GRAMD1C: variants seen among roughly 807,000 people sequenced by gnomAD.
GRAMD1C encodes the protein GRAM domain containing 1C.
In GRAMD1C, 89 loss-of-function variants were observed where a neutral mutation model predicts 97.8. The ratio of observed to expected loss-of-function variants is 0.91; its 90% CI spans 0.77 to 1.09. The LOEUF is 1.09. GRAMD1C is among the 50% of genes least tolerant of loss of function. GRAMD1C has a pLI of 0.00. For synonymous variants in GRAMD1C, 256 were observed against 267.0 expected, an observed-to-expected ratio of 0.96 and a Z score of 0.40; for missense variants, 740 against 766.4, an observed-to-expected ratio of 0.97 and a Z score of 0.41.
chr3:113,886,014 C>T, intron 6 of GRAMD1C: 1 of 1,512,342 alleles, frequency 6.6e-7, no homozygotes, highest in Non-Finnish European at 9.0e-7. Context: ...AAACCTTCAC[C>T]AACATCGGCT....
chr3:113,851,945 T>G (rs1371115817), intron 2 of GRAMD1C, among the ~76,000 whole-genome samples: 1 of 152,126 alleles, frequency 6.6e-6, no homozygotes, highest in Non-Finnish European at 1.5e-5. Context: ...CTCGGCTCAC[T>G]GCAACCTCCG....
intron 2 of GRAMD1C, among the ~76,000 whole-genome samples, chr3:113,851,522 C>CTTTTTT (rs35669503): frequency 7.5e-6 from 1 of 133,606 alleles, no homozygotes; most frequent in African/African-American, 2.7e-5. Context: ...TTCTTTCTTT[C>CTTTTTT]TTTTTTTTTT....
In GRAMD1C at chr3:113,846,334, G is replaced by A. The variant is rs555574609; in HGVS notation, c.174+1685G>A. 6.6e-5 allele frequency among the ~76,000 whole-genome samples: 10 copies of A among 152,170 alleles called. No homozygotes were observed. The East Asian group carries it at 1.7e-3, about 26-fold the overall frequency. On this transcript the variant is annotated intron_variant, in intron 2 of 17. Transcript: ENST00000358160. ...TTGGCCAGGCTGGTCTTGAACTCCC[G>A]ACCTCAGGTGATCCGCCCGCCTCGG...
chr3:113,940,437 T>A, intron 17 of GRAMD1C, 92 bp downstream of exon 17: 1 of 738,664 alleles, frequency 1.4e-6, no homozygotes, highest in Admixed American at 2.3e-5. Flanking sequence ...TACCCTACTA[T>A]CGTTTGAAAA....
chr3:113,837,602 AT>A (rs1709657003), upstream of GRAMD1C, among the ~76,000 whole-genome samples: 1 of 152,152 alleles, frequency 6.6e-6, no homozygotes, highest in African/African-American at 2.4e-5. Flanking sequence ...AAGCGTTATT[AT>A]TGACTGGGAG....
chr3:113,890,662 C>G, intron 6 of GRAMD1C: 1 of 667,742 alleles, frequency 1.5e-6, no homozygotes, highest in South Asian at 1.7e-5. Context: ...GGTGCATTCT[C>G]TCATTCTAGC....
intron 2 of GRAMD1C, among the ~76,000 whole-genome samples, chr3:113,853,572 A>G (rs140361352): frequency 2.6e-5 from 4 of 152,238 alleles, no homozygotes; most frequent in African/African-American, 9.6e-5. Context: ...AATGGTAGAT[A>G]TACATGAATT....
chr3:113,867,286 T>TTTTTAA (rs1264739218), intron 2 of GRAMD1C, among the ~76,000 whole-genome samples: 1 of 152,096 alleles, frequency 6.6e-6, no homozygotes, highest in East Asian at 1.9e-4. Context: ...AAGGACTTTA[T>TTTTTAA]TTTTAATTTT....
chr3:113,895,352 T>A (rs1206450354), intron 6 of GRAMD1C, among the ~76,000 whole-genome samples: 1 of 152,174 alleles, frequency 6.6e-6, no homozygotes, highest in Admixed American at 6.5e-5. Flanking sequence ...CTCGTGAGTG[T>A]GGCTTATATA....
rs1221120748 is a variant in GRAMD1C, at chr3:113,915,733, C to T, written c.985C>T (p.Leu329Phe). The T allele has an allele frequency of 6.2e-7, 1 of 1,609,854 alleles. No individual in the cohort carries two copies. The highest frequency in any genetic ancestry group is 8.5e-7 in the Non-Finnish European group (1 of 1,176,810). ...TCCTGAGAAAGATCTTCATGGAAGACTTTTTATCAACCGTATTTTTCATAT... is the reference window on the plus strand; with the variant it reads ...TCCTGAGAAAGATCTTCATGGAAGATTTTTTATCAACCGTATTTTTCATAT... The part of the protein sequence containing the change: ...NVPEKDLHGR[L>F]FINRIFHISA... The change falls in exon 10 of 18, where the codon CTT (leucine) becomes TTT (phenylalanine). Residue 329 changes from leucine (L) to phenylalanine (F), a missense_variant. Coordinates refer to ENST00000358160, the MANE Select transcript of GRAMD1C (RefSeq NM_017577.5).
intron 5 of GRAMD1C, among the ~76,000 whole-genome samples, chr3:113,877,175 A>G (rs570606290): frequency 7.9e-4 from 120 of 152,314 alleles, no homozygotes; most frequent in Non-Finnish European, 1.5e-3. Flanking sequence ...TCTTATCCCT[A>G]TAGAACACTT....
chr3:113,927,008 C>T (rs1458657926), intron 10 of GRAMD1C, among the ~76,000 whole-genome samples: 1 of 152,076 alleles, frequency 6.6e-6, no homozygotes, highest in Non-Finnish European at 1.5e-5. Context: ...ATGCCAGCAG[C>T]CAGGATGGCA....
chr3:113,937,391 T>A (rs903063583), intron 14 of GRAMD1C, among the ~76,000 whole-genome samples: 8 of 152,220 alleles, frequency 5.3e-5, no homozygotes, highest in Non-Finnish European at 1.2e-4. Context: ...TTTGTTTTGT[T>A]TTGTTTTTTA....
intron 11 of GRAMD1C, among the ~76,000 whole-genome samples, chr3:113,933,244 C>G (rs1306314391): frequency 6.6e-6 from 1 of 152,042 alleles, no homozygotes; most frequent in African/African-American, 2.4e-5. Flanking sequence ...ATTGGCCAGG[C>G]TGGTCCCGAA....
At chr3:113,904,058 G>A (rs1936266918) in intron 7 of GRAMD1C, 82 bp from the exon 8 acceptor site, 2 of 977,128 alleles carry the variant, frequency 2.0e-6, no homozygotes, top group Non-Finnish European at 3.1e-6. Context: ...TTTTATCATA[G>A]GAAATGACCT....
intron 1 of GRAMD1C, among the ~76,000 whole-genome samples, chr3:113,842,639 C>T (rs1933390045): frequency 6.6e-6 from 1 of 152,026 alleles, no homozygotes; most frequent in African/African-American, 2.4e-5. Context: ...GAGGCTTCCC[C>T]CATGGCAATG....
chr3:113,930,806 A>T lies in GRAMD1C; in HGVS notation c.1183A>T (p.Lys395Ter), dbSNP rs765802103. The T allele has an allele frequency of 2.5e-6, 4 of 1,599,194 alleles. No homozygotes were observed. Among genetic ancestry groups the T allele is most frequent in the Non-Finnish European group, 3.4e-6 (4 of 1,166,382 alleles). Residue 395 changes from lysine (K) to a stop codon, truncating the protein, a stop_gained, in exon 11 of 18, where the codon AAA (lysine) becomes TAA (stop). Transcript: ENST00000358160. LOFTEE classifies it high-confidence loss of function. ...TIVLNSPLTG[K>*]CTAATEKQTL... ...AGTCCTTAATAGTCCACTTACTGGA[A>T]AATGCACTGCTGCCACTGAAAAGCA...
intron 9 of GRAMD1C, among the ~76,000 whole-genome samples, chr3:113,913,429 C>CAAAAA (rs765510213): frequency 7.3e-5 from 5 of 68,266 alleles, no homozygotes; most frequent in Non-Finnish European, 8.5e-5. Flanking sequence ...ACTCTGTCTC[C>CAAAAA]AAAAAAAAAA....
rs139822671 is a variant in GRAMD1C, at chr3:113,921,188, C to A, written c.1090+5350C>A. Among the ~76,000 whole-genome samples the A allele has an allele frequency of 3.8e-3, 574 of 152,278 alleles. 3 individuals are homozygous for A. Among genetic ancestry groups the A allele is most frequent in the African/African-American group, 0.013 (543 of 41,550 alleles). The stretch of plus-strand genomic sequence containing the variant: ...TTAGTTTTCTGTTCCTGCAGTAGTT[C>A]GCTCAGGATAATGGCCTCCAGCTCC... On this transcript the variant is annotated intron_variant, in intron 10 of 17. Transcript: ENST00000358160.
Sources: gnomAD v4.1 joint callset for allele counts (sites outside exome capture counted in the v4.1 genomes callset) on GRCh38, gnomAD v4.1.1 for gene constraint, MANE v1.5 for transcripts, NCBI Gene and HGNC (gene_info 2026-07-23, HGNC 2026-07-21) for gene names.